The following NCAPD2 variants were observed in gnomAD, a reference collection of about 807,000 sequenced individuals.
NCAPD2 encodes the protein non-SMC condensin I complex subunit D2, also known as condensin complex subunit 1.
NCAPD2 carries 100 observed loss-of-function variants against 164.5 expected under a neutral mutation model. That is an observed-to-expected ratio of 0.61 (90% CI 0.52 to 0.72). NCAPD2 has a LOEUF of 0.72. NCAPD2 is among the 30% of genes least tolerant of loss of function. The probability of loss-of-function intolerance (pLI) is 0.00; values close to 1 mark genes in which losing one functional copy is unlikely to be tolerated. For synonymous variants in NCAPD2, 585 were observed against 642.6 expected (o/e 0.91, Z 1.36); for missense variants, 1,560 against 1,749.2 (o/e 0.89, Z 1.93).
chr12:6,502,931 A>C (rs892166024), intron 2 of NCAPD2, among the ~76,000 whole-genome samples: 1 of 149,422 alleles, frequency 6.7e-6, no homozygotes, highest in African/African-American at 2.5e-5. Context: ...GCTCACTGCA[A>C]CCTCCTCAGT....
Position 6,526,401 on chromosome 12 carries a change from A to T in NCAPD2, c.2566+30A>T, listed in dbSNP as rs7311174. The T allele has an allele frequency of 0.73, 1,176,920 of 1,613,920 alleles. 431,807 individuals are homozygous for T. Among genetic ancestry groups the T allele is most frequent in the African/African-American group, 0.95 (71,175 of 74,990 alleles). ...GCTCTCAGGGAAGGCCTTGGGCAGAATTGGGCCCTTTGTTGCAGTAAACAA... is the reference window on the plus strand; with the variant it reads ...GCTCTCAGGGAAGGCCTTGGGCAGATTTGGGCCCTTTGTTGCAGTAAACAA... On this transcript the variant is annotated intron_variant, in intron 20 of 31. Transcript: ENST00000315579.
At chr12:6,498,562 C>T (rs770585843) in intron 2 of NCAPD2, among the ~76,000 whole-genome samples, 1 of 152,062 alleles carries the variant, frequency 6.6e-6, no homozygotes, top group Non-Finnish European at 1.5e-5. Flanking sequence ...ACCTGCCTAC[C>T]TATGGTAATG....
rs983635727 is a variant in NCAPD2 at position 6,528,266 on chromosome 12, T to G, written c.3237T>G (p.Thr1079=). ...TCCGGTCTAACCTCATGGTTGCCAC[T>G]GGGGATCTGGCCATCCGCTTTCCCA... ...PIVRSNLMVA[T]GDLAIRFPNL... The change falls in exon 25 of 32, where the codon ACT becomes ACG. Residue 1079 remains threonine (T), a synonymous_variant. Transcript: ENST00000315579. The surrounding 1 kb of genome is among the most constrained non-coding windows in gnomAD (Gnocchi z 5.1). 29 of 1,613,868 alleles carry G rather than the reference T, an allele frequency of 1.8e-5. No individual in the cohort carries two copies. The highest frequency in any genetic ancestry group is 2.0e-5 in the Non-Finnish European group (24 of 1,180,044).
chr12:6,527,007 C>T lies in NCAPD2; in HGVS notation c.2851C>T (p.Arg951Trp), dbSNP rs145370494. The T allele has an allele frequency of 3.7e-5, 59 of 1,613,942 alleles. No individual in the cohort carries two copies. Among genetic ancestry groups the T allele is most frequent in the South Asian group, 8.8e-5 (8 of 91,066 alleles). The change falls in exon 22 of 32, where the codon CGG becomes TGG. Residue 951 changes from arginine to tryptophan, a missense_variant. Arg to Trp is a moderately radical substitution (Grantham distance 101). Transcript: ENST00000315579. ...LEQAVSGELC[R>W]RRVLREEQEH... ...GCAGGCAGTGAGTGGAGAGCTCTGC[C>T]GGCGCCGAGTTCTCCGGGAAGAACA...
At chr12:6,523,115 G>A in intron 16 of NCAPD2, 113 bp downstream of exon 16, 1 of 1,471,206 alleles carries the variant, frequency 6.8e-7, no homozygotes, top group South Asian at 1.2e-5. Flanking sequence ...CAGATCCATA[G>A]GCAGTCCATC....
chr12:6,523,199 C>G, intron 16 of NCAPD2, 63 bp from the exon 17 acceptor site: 3 of 1,544,502 alleles, frequency 1.9e-6, no homozygotes. Context: ...TAGCCCTAAT[C>G]ACTGTTTGCC....
At position 6,528,356 on chromosome 12, in the gene NCAPD2, A is replaced by G. The variant is rs762616650; in HGVS notation, c.3299+28A>G. On this transcript the variant is annotated intron_variant, in intron 25 of 31. Transcript: ENST00000315579. The surrounding 1 kb of genome is among the most constrained non-coding windows in gnomAD (Gnocchi z 5.1). ...AAGAGACCCCTCACAACGTGGTGGC[A>G]GTTCCCAGGAGCCCCGGAGTCTGTT... The G allele has an allele frequency of 2.5e-6, 4 of 1,612,506 alleles. No homozygotes were observed. The South Asian group carries it at 4.4e-5, about 18-fold the overall frequency.
At chr12:6,496,512 C>T (rs1945985988) in intron 2 of NCAPD2, among the ~76,000 whole-genome samples, 1 of 151,692 alleles carries the variant, frequency 6.6e-6, no homozygotes, top group African/African-American at 2.4e-5. Flanking sequence ...GCAGCCTCAA[C>T]TTCCCAGACT....
chr12:6,505,286 G>A (rs574943622), intron 2 of NCAPD2, among the ~76,000 whole-genome samples: 213 of 152,160 alleles, frequency 1.4e-3, no homozygotes, highest in Non-Finnish European at 2.3e-3. Flanking sequence ...GGCTGGTCTC[G>A]AGCTCCTCAC....
chr12:6,498,318 A>G (rs1240217258), intron 2 of NCAPD2, among the ~76,000 whole-genome samples: 1 of 152,216 alleles, frequency 6.6e-6, no homozygotes, highest in African/African-American at 2.4e-5. Context: ...TTTAACAAGT[A>G]TTTACTGATC....
chr12:6,498,154 C>G (rs2137035052), intron 2 of NCAPD2, among the ~76,000 whole-genome samples: 1 of 152,256 alleles, frequency 6.6e-6, no homozygotes, highest in South Asian at 2.1e-4. Context: ...AGCGATCTGC[C>G]CACCTCAGCC....
Position 6,517,439 on chromosome 12 carries a change from A to G in NCAPD2, c.1260A>G (p.Val420=). 4 of 1,614,228 alleles carry G rather than the reference A, an allele frequency of 2.5e-6. No individual in the cohort carries two copies. The South Asian group carries it at 4.4e-5, about 18-fold the overall frequency. The change falls in exon 11 of 32, where the codon GTA becomes GTG. Residue 420 remains valine (V), a synonymous_variant. Transcript: ENST00000315579. ...GTCTGGCAGACAAGTCAGTGCTAGT[A>G]TGTAAAAATGCCATCCAGCTGCTGG... ...VGRLADKSVL[V]CKNAIQLLAS... is the part of the protein sequence containing the mutation.
intron 2 of NCAPD2, among the ~76,000 whole-genome samples, chr12:6,498,076 A>C (rs1243388097): frequency 1.3e-5 from 2 of 151,520 alleles, no homozygotes; most frequent in African/African-American, 2.4e-5. Context: ...TGCACTGCTA[A>C]TTTTGTGTTA....
At position 6,522,812 on chromosome 12, in the gene NCAPD2, G is replaced by A. The variant is rs757414764; in HGVS notation, c.1955-16G>A. ...TTTGTGAAGTAGATAGGTGACATTTGTACATGTTCTCTCAGTGGTGCAGGA... is the reference window on the plus strand; with the variant it reads ...TTTGTGAAGTAGATAGGTGACATTTATACATGTTCTCTCAGTGGTGCAGGA... On this transcript the variant is annotated splice_polypyrimidine_tract_variant and intron_variant, in intron 15 of 31. Transcript: ENST00000315579. 19 of 1,612,746 alleles carry A rather than the reference G, an allele frequency of 1.2e-5. No individual in the cohort carries two copies. In the East Asian group the frequency reaches 3.6e-4, roughly 30 times the overall value.
At chr12:6,521,685 C>CA (rs1946264714) in intron 14 of NCAPD2, 113 bp from the exon 15 acceptor site, 2 of 1,379,604 alleles carry the variant, frequency 1.4e-6, no homozygotes, top group African/African-American at 2.9e-5. Context: ...GACCCCATCT[C>CA]AAAAGAAAAG....
intron 6 of NCAPD2, 133 bp downstream of exon 6, chr12:6,511,385 C>A: frequency 9.2e-7 from 1 of 1,088,648 alleles, no homozygotes; most frequent in Non-Finnish European, 1.3e-6. Context: ...CAGGCTGGAG[C>A]GCAGTGGTTC....
In NCAPD2 at chr12:6,527,967, G is replaced by C; in HGVS notation, c.3020-1G>C. 2 of 1,614,216 alleles carry C rather than the reference G, an allele frequency of 1.2e-6. No homozygotes were observed. The highest frequency in any genetic ancestry group is 1.7e-6 in the Non-Finnish European group (2 of 1,180,036). ...CAAACCTGCAGTTACTCTTCCAACA[G>C]GCAAACAGACACTGGCTGCCTTTGT... On this transcript the variant is annotated splice_acceptor_variant, in intron 23 of 31. Coordinates refer to ENST00000315579, the MANE Select transcript of NCAPD2 (RefSeq NM_014865.4). LOFTEE classifies it high-confidence loss of function.
chr12:6,501,647 A>C (rs182243910), intron 2 of NCAPD2, among the ~76,000 whole-genome samples: 46 of 152,358 alleles, frequency 3.0e-4, no homozygotes, highest in African/African-American at 1.0e-3. Flanking sequence ...TTTAATACTC[A>C]GCGTGTAGAC....
chr12:6,523,381 C>T (rs775357969), intron 17 of NCAPD2, 35 bp downstream of exon 17: 7 of 1,130,526 alleles, frequency 6.2e-6, no homozygotes, highest in Non-Finnish European at 7.8e-6. Flanking sequence ...TTTATTCATT[C>T]AACAAGTATT....
Sources: allele counts gnomAD v4.1 joint callset (sites outside exome capture counted in the v4.1 genomes callset), GRCh38; gene constraint gnomAD v4.1.1; non-coding constraint Gnocchi (gnomAD v3.1); transcripts MANE v1.5; gene names NCBI Gene and HGNC (gene_info 2026-07-23, HGNC 2026-07-21).